The following DNAJB6 variants were observed in gnomAD, a reference collection of about 807,000 sequenced individuals.
DNAJB6 encodes DnaJ heat shock protein family (Hsp40) member B6.
Under a neutral mutation model 42.7 loss-of-function variants are expected in DNAJB6, and 16 were observed. The ratio of observed to expected loss-of-function variants is 0.37; its 90% CI spans 0.25 to 0.57. The LOEUF (loss-of-function observed/expected upper bound fraction) is 0.57. Ranked by LOEUF, DNAJB6 falls within the 20% of genes least tolerant of loss-of-function variation. The probability of loss-of-function intolerance (pLI) is 0.74; values close to 1 mark genes in which losing one functional copy is unlikely to be tolerated. For missense variants in DNAJB6, 347 were observed against 416.8 expected (o/e 0.83, Z 1.46); for synonymous variants, 170 against 163.5 (o/e 1.04, Z -0.30).
chr7:157,392,525 G>T (rs1420172672), intron 8 of DNAJB6, among the ~76,000 whole-genome samples: 1 of 152,116 alleles, frequency 6.6e-6, no homozygotes, highest in Non-Finnish European at 1.5e-5. Flanking sequence ...TGGAAAGGTT[G>T]TTGTGTGGGA....
At chr7:157,394,537 A>AAG (rs1311662652) in intron 8 of DNAJB6, among the ~76,000 whole-genome samples, 1 of 151,796 alleles carries the variant, frequency 6.6e-6, no homozygotes, top group Admixed American at 6.6e-5. Flanking sequence ...CAGAAAAAAA[A>AAG]AAGTTGAAAA....
chr7:157,391,437 G>A (rs1801337835), intron 8 of DNAJB6, among the ~76,000 whole-genome samples: 1 of 151,760 alleles, frequency 6.6e-6, no homozygotes, highest in African/African-American at 2.4e-5. Context: ...CCGTGTCCAT[G>A]GGTCAGTGGT....
intron 1 of DNAJB6, chr7:157,337,878 A>G (rs1201033743): frequency 6.6e-6 from 1 of 152,050 alleles, no homozygotes; most frequent in East Asian, 1.9e-4. Context: ...GGCACTAGCG[A>G]ATTTTTTAAA....
intron 5 of DNAJB6, chr7:157,380,454 T>G (rs1800700340): frequency 6.6e-6 from 1 of 152,236 alleles, no homozygotes; most frequent in African/African-American, 2.4e-5. Flanking sequence ...AAGGTCTGTT[T>G]GCAAAGTACC....
Position 157,358,645 on chromosome 7 carries a change from G to C in DNAJB6, c.65+8G>C. On this transcript the variant is annotated splice_region_variant and intron_variant, in intron 2 of 9. Coordinates refer to ENST00000262177, the MANE Select transcript of DNAJB6 (RefSeq NM_058246.4). ...CGAGGATATTAAAAAGGCGTAAGTA[G>C]TTTTATTTCTGTGGTAATGCATTTT... 1 of 1,606,314 alleles carries C rather than the reference G, an allele frequency of 6.2e-7. No homozygotes were observed. The highest frequency in any genetic ancestry group is 1.1e-5 in the South Asian group (1 of 90,906).
intron 8 of DNAJB6, among the ~76,000 whole-genome samples, chr7:157,394,095 A>G (rs1563144233): frequency 6.6e-6 from 1 of 152,182 alleles, no homozygotes; most frequent in Non-Finnish European, 1.5e-5. Context: ...TATTTTGGTT[A>G]GTTGTGCTTC....
chr7:157,385,109 A>G, intron 7 of DNAJB6, 101 bp downstream of exon 7: 2 of 1,242,752 alleles, frequency 1.6e-6, no homozygotes, highest in East Asian at 2.4e-5. Flanking sequence ...AGGTTGTTGT[A>G]TGCTAAATCT....
intron 1 of DNAJB6, among the ~76,000 whole-genome samples, chr7:157,341,408 G>A (rs1432069943): frequency 6.6e-6 from 1 of 152,162 alleles, no homozygotes; most frequent in African/African-American, 2.4e-5. Flanking sequence ...ACAGGTGTGA[G>A]CCACTGCGCC....
At chr7:157,405,254 TG>T (rs1037748887) in intron 8 of DNAJB6, among the ~76,000 whole-genome samples, 1 of 152,210 alleles carries the variant, frequency 6.6e-6, no homozygotes, top group African/African-American at 2.4e-5. Context: ...TTCGAGAGAA[TG>T]TCCTGGGGGC....
chr7:157,348,894 T>G (rs2116891725), intron 1 of DNAJB6, among the ~76,000 whole-genome samples: 1 of 152,338 alleles, frequency 6.6e-6, no homozygotes. Context: ...ACGCTGTTAC[T>G]TGTGTGTGGA....
chr7:157,400,188 G>A (rs1474586719), intron 8 of DNAJB6, among the ~76,000 whole-genome samples: 18 of 93,492 alleles, frequency 1.9e-4, no homozygotes, highest in Admixed American at 1.8e-3. Context: ...GCAAGTTCTA[G>A]GGAAGTGTGA....
rs751300998 is a variant in DNAJB6, at chr7:157,410,021, C to T, written c.898+20C>T. The T allele has an allele frequency of 3.6e-5, 54 of 1,514,886 alleles. 1 individual carries two copies. The Middle Eastern group carries it at 6.9e-4, about 19-fold the overall frequency. The allele number at this position is 1,514,886 out of a possible 1,614,324, so 93.8% of individuals were successfully genotyped here. Reference sequence around the variant, plus strand: ...CAGCAGGTGTGCAAAGGGAGGCAGCCGTGGAGCAGGCGCAGAGTGAGACTT... The same window carrying T: ...CAGCAGGTGTGCAAAGGGAGGCAGCTGTGGAGCAGGCGCAGAGTGAGACTT... On this transcript the variant is annotated intron_variant, in intron 9 of 9. Coordinates refer to ENST00000262177, the MANE Select transcript of DNAJB6 (RefSeq NM_058246.4).
At chr7:157,357,566 C>T (rs1017593347) in intron 1 of DNAJB6, among the ~76,000 whole-genome samples, 4 of 151,932 alleles carry the variant, frequency 2.6e-5, no homozygotes, top group African/African-American at 9.7e-5. Flanking sequence ...CTCCCTCGGC[C>T]TCCTAAAGCG....
chr7:157,409,938 G>A lies in DNAJB6; in HGVS notation c.835G>A (p.Glu279Lys), dbSNP rs1355815932. Residue 279 changes from glutamate (E) to lysine (K), a missense_variant, in exon 9 of 10, where the codon GAG becomes AAG. Transcript: ENST00000262177. ...LRHAPHCLSE[E>K]EGEQDRPRAP... ...ACACGCGCCTCACTGTCTCTCTGAGGAGGAGGGCGAGCAGGACCGACCTCG... is the reference window on the plus strand; with the variant it reads ...ACACGCGCCTCACTGTCTCTCTGAGAAGGAGGGCGAGCAGGACCGACCTCG... 7 of 1,536,746 alleles carry A rather than the reference G, an allele frequency of 4.6e-6. No individual in the cohort carries two copies. The highest frequency in any genetic ancestry group is 2.0e-5 in the Admixed American group (1 of 51,088).
intron 5 of DNAJB6, among the ~76,000 whole-genome samples, chr7:157,369,865 C>CACATTATTATTAAACAGGCCCCTTCTTA (rs1800068393): frequency 1.8e-5 from 2 of 113,056 alleles, no homozygotes; most frequent in African/African-American, 4.5e-5. Context: ...GCCCCTTCTT[C>CACATTATTATTAAACAGGCCCCTTCTTA]ACATTATTAT....
At chr7:157,369,744 G>GGCCTTTCATAACATTATTATTAAACGA (rs1563128168) in intron 5 of DNAJB6, among the ~76,000 whole-genome samples, 1 of 142,490 alleles carries the variant, frequency 7.0e-6, no homozygotes, top group African/African-American at 2.8e-5. Context: ...TTATTAAACA[G>GGCCTTTCATAACATTATTATTAAACGA]GCCCCTTCTT....
At chr7:157,363,358 A>T in intron 3 of DNAJB6, 88 bp downstream of exon 3, 3 of 803,198 alleles carry the variant, frequency 3.7e-6, no homozygotes, top group Non-Finnish European at 6.1e-6. Flanking sequence ...GTAGCACAGT[A>T]TGGACTCAAG....
chr7:157,366,050 C>T (rs1212747204), intron 3 of DNAJB6, among the ~76,000 whole-genome samples: 2 of 152,004 alleles, frequency 1.3e-5, no homozygotes, highest in African/African-American at 2.4e-5. Flanking sequence ...TCCCGGGTTC[C>T]AGCTATTCTC....
At chr7:157,385,466 C>A in intron 7 of DNAJB6, 75 bp from the exon 8 acceptor site, 1 of 1,505,570 alleles carries the variant, frequency 6.6e-7, no homozygotes, top group South Asian at 1.2e-5. Flanking sequence ...CAGTAATGTC[C>A]TTAAACAACT....
Sources: gnomAD v4.1 joint callset for allele counts (sites outside exome capture counted in the v4.1 genomes callset) on GRCh38, gnomAD v4.1.1 for gene constraint, MANE v1.5 for transcripts, NCBI Gene and HGNC (gene_info 2026-07-23, HGNC 2026-07-21) for gene names.